TRAK1: variants seen among roughly 807,000 people sequenced by gnomAD.
TRAK1 encodes trafficking kinesin-binding protein 1.
In TRAK1, 33 loss-of-function variants were observed where a neutral mutation model predicts 92.1. The observed-to-expected ratio is 0.36, with a 90% CI of 0.27 to 0.48. TRAK1 has a LOEUF of 0.48. Among genes scored for constraint, TRAK1 ranks in the 20% least tolerant of loss-of-function variants. The pLI is 0.99. For missense variants in TRAK1, 1,123 were observed against 1,257.9 expected (o/e 0.89, Z 1.62); for synonymous variants, 521 against 517.3 (o/e 1.01, Z -0.10).
Position 42,202,923 on chromosome 3 carries a change from TC to T in TRAK1, c.1744+173del. Reference sequence around the variant, plus strand: ...CTGAGGGTGGTGCTCAGCCTAGGCCTCCGTCCCTCCCCTCTGGCTGGCAGGT... The same window carrying T: ...CTGAGGGTGGTGCTCAGCCTAGGCCTCGTCCCTCCCCTCTGGCTGGCAGGT... On this transcript the variant is annotated intron_variant, in intron 13 of 15. Transcript: ENST00000327628. The surrounding 1 kb of genome is among the most constrained non-coding windows in gnomAD (Gnocchi z 6.1). The T allele has an allele frequency of 7.1e-7, 1 of 1,410,104 alleles. No individual in the cohort carries two copies. Among genetic ancestry groups the T allele is most frequent in the South Asian group, 1.6e-5 (1 of 62,338 alleles). The allele number at this position is 1,410,104 out of a possible 1,614,324, so 87.3% of individuals were successfully genotyped here.
chr3:42,177,151 A>G (rs1576808780), intron 3 of TRAK1, among the ~76,000 whole-genome samples: 1 of 152,336 alleles, frequency 6.6e-6, no homozygotes, highest in East Asian at 1.9e-4. Flanking sequence ...ATCCAGTTGT[A>G]AGTATAAAAA....
intron 1 of TRAK1, among the ~76,000 whole-genome samples, chr3:42,069,337 A>AG (rs1703816009): frequency 6.6e-6 from 1 of 151,668 alleles, no homozygotes; most frequent in Non-Finnish European, 1.5e-5. Context: ...AAAAAGAAAA[A>AG]AGAAAAGTTA....
intron 13 of TRAK1, among the ~76,000 whole-genome samples, chr3:42,206,421 A>C (rs1202018898): frequency 6.6e-6 from 1 of 152,168 alleles, no homozygotes; most frequent in African/African-American, 2.4e-5. Flanking sequence ...GGAGGCTCTC[A>C]TGTGTAAGGC....
At chr3:42,120,318 T>G (rs1709684532) in intron 1 of TRAK1, among the ~76,000 whole-genome samples, 1 of 152,124 alleles carries the variant, frequency 6.6e-6, no homozygotes, top group Admixed American at 6.5e-5. Context: ...GTGACTTATT[T>G]GAGAACACAT....
At chr3:42,134,863 G>A (rs1697737789) in intron 2 of TRAK1, among the ~76,000 whole-genome samples, 1 of 151,848 alleles carries the variant, frequency 6.6e-6, no homozygotes, top group Admixed American at 6.6e-5. Flanking sequence ...ACAGGCATGA[G>A]CCACTGCACC....
In TRAK1 at chr3:42,176,811, C is replaced by G. The variant is rs201156779; in HGVS notation, c.287-3C>G. 6 of 1,612,970 alleles carry G rather than the reference C, an allele frequency of 3.7e-6. No individual in the cohort carries two copies. Among genetic ancestry groups the G allele is most frequent in the Non-Finnish European group, 5.1e-6 (6 of 1,179,240 alleles). ...GTCTCATTGTCATTTTTATTTCTTA[C>G]AGTTTTATGTGCTGAAAGAGTTGGC... On this transcript the variant is annotated splice_region_variant and splice_polypyrimidine_tract_variant and intron_variant, in intron 2 of 15. Coordinates refer to ENST00000327628, the MANE Select transcript of TRAK1 (RefSeq NM_001042646.3).
intron 2 of TRAK1, among the ~76,000 whole-genome samples, chr3:42,168,590 CT>C (rs370639310): frequency 2.6e-5 from 4 of 151,348 alleles, no homozygotes; most frequent in African/African-American, 9.7e-5. Flanking sequence ...AATCTGCTTT[CT>C]TTTTTTTTGA....
intron 1 of TRAK1, among the ~76,000 whole-genome samples, chr3:42,124,941 T>TGGAA (rs746044584): frequency 1.3e-5 from 2 of 152,078 alleles, no homozygotes; most frequent in Non-Finnish European, 2.9e-5. Context: ...GATGGATCGA[T>TGGAA]GGAAGGAAGG....
upstream of TRAK1, among the ~76,000 whole-genome samples, chr3:42,090,882 T>G (rs1290753023): frequency 6.6e-6 from 1 of 152,182 alleles, no homozygotes; most frequent in Non-Finnish European, 1.5e-5. Context: ...TCTTATGCGT[T>G]TAAGGGATGG....
chr3:42,135,688 T>C (rs17220629), intron 2 of TRAK1, among the ~76,000 whole-genome samples: 74,002 of 152,126 alleles, frequency 0.49, 18,282 homozygotes, highest in South Asian at 0.6. Context: ...CCCAGCTCTC[T>C]TCCTCGTCTG....
intron 1 of TRAK1, among the ~76,000 whole-genome samples, chr3:42,097,977 G>C (rs1224990016): frequency 1.3e-5 from 2 of 152,268 alleles, no homozygotes; most frequent in East Asian, 3.9e-4. Context: ...TTCCGGAGGA[G>C]TATCTTGGAG....
upstream of TRAK1, among the ~76,000 whole-genome samples, chr3:42,085,173 T>G (rs1391007360): frequency 6.6e-6 from 1 of 152,138 alleles, no homozygotes; most frequent in Non-Finnish European, 1.5e-5. Flanking sequence ...AAAAATCATT[T>G]TTTTTTCTTT....
chr3:42,093,235 A>C (rs1030789874), intron 1 of TRAK1, among the ~76,000 whole-genome samples: 2 of 151,944 alleles, frequency 1.3e-5, no homozygotes, highest in African/African-American at 4.8e-5. Context: ...TCTTAGTGGA[A>C]TCTCCTTTAT....
At position 42,199,257 on chromosome 3, in the gene TRAK1, C is replaced by T. The variant is rs143137647; in HGVS notation, c.1190+4C>T. On this transcript the variant is annotated splice_donor_region_variant and intron_variant, in intron 11 of 15. Transcript: ENST00000327628. ...AGGCCGAGTCTCCAGACATCACGTA[C>T]GGCCACAGTTTTTACAGTTTTGAGA... The T allele has an allele frequency of 1.0e-4, 164 of 1,613,964 alleles. No individual in the cohort carries two copies. In the African/African-American group the frequency reaches 1.6e-3, roughly 16 times the overall value.
At chr3:42,208,794 C>A (rs183587783) in intron 13 of TRAK1, among the ~76,000 whole-genome samples, 168 of 152,338 alleles carry the variant, frequency 1.1e-3, no homozygotes, top group African/African-American at 3.9e-3. Flanking sequence ...CCTCACGGGC[C>A]ATGCACTAGC....
chr3:42,042,404 C>G (rs890793186), intron 1 of TRAK1, among the ~76,000 whole-genome samples: 2 of 152,108 alleles, frequency 1.3e-5, no homozygotes, highest in African/African-American at 4.8e-5. Context: ...CAGGGTCTCA[C>G]TTTGTTGCCC....
intron 1 of TRAK1, among the ~76,000 whole-genome samples, chr3:42,092,309 C>A (rs1705177725): frequency 1.3e-5 from 2 of 152,128 alleles, no homozygotes; most frequent in Non-Finnish European, 2.9e-5. Flanking sequence ...GCTGTCTGGG[C>A]CAGAAAACAG....
chr3:42,112,889 G>C (rs1708642672), intron 1 of TRAK1, among the ~76,000 whole-genome samples: 2 of 152,006 alleles, frequency 1.3e-5, no homozygotes, highest in South Asian at 4.1e-4. Flanking sequence ...TCTTGTCTCA[G>C]CCTCCCCAGT....
At chr3:42,057,895 C>T (rs190020771) in intron 1 of TRAK1, among the ~76,000 whole-genome samples, 1 of 152,318 alleles carries the variant, frequency 6.6e-6, no homozygotes, top group East Asian at 1.9e-4. Flanking sequence ...TTTGAAGGAA[C>T]CAGAAAATAC....
Sources: allele counts gnomAD v4.1 joint callset (sites outside exome capture counted in the v4.1 genomes callset), GRCh38; gene constraint gnomAD v4.1.1; non-coding constraint Gnocchi (gnomAD v3.1); transcripts MANE v1.5; gene names NCBI Gene and HGNC (gene_info 2026-07-23, HGNC 2026-07-21).